Variants in RAB10 observed in about 807,000 individuals in gnomAD.
RAB10 encodes the protein ras-related protein Rab-10.
A neutral mutation model predicts 25.7 loss-of-function variants in RAB10; 5 were observed. That is an observed-to-expected ratio of 0.19 (90% CI 0.10 to 0.41). RAB10 has a LOEUF of 0.41. RAB10 is among the 10% of genes least tolerant of loss of function. The probability of loss-of-function intolerance (pLI) is 1.00; values close to 1 mark genes in which losing one functional copy is unlikely to be tolerated. For missense variants in RAB10, 103 were observed against 245.8 expected, an observed-to-expected ratio of 0.42 and a Z score of 3.89; for synonymous variants, 89 against 86.4, an observed-to-expected ratio of 1.03 and a Z score of -0.16.
rs555434139 is a variant in RAB10 at position 26,104,402 on chromosome 2, C to T, written c.189-5366C>T. On this transcript the variant is annotated intron_variant, in intron 2 of 5. Transcript: ENST00000264710. Reference sequence around the variant, plus strand: ...TCTTTGGATAAATGCCTGTTTAGATCTTTTGCTGATTTTTAAGTTTGGTCA... The same window carrying T: ...TCTTTGGATAAATGCCTGTTTAGATTTTTTGCTGATTTTTAAGTTTGGTCA... 4.3e-4 allele frequency among the ~76,000 whole-genome samples: 65 copies of T among 152,178 alleles called. 2 individuals carry two copies. In the South Asian group the frequency reaches 0.013, roughly 30 times the overall value.
At chr2:26,081,657 A>C (rs1293601600) in intron 1 of RAB10, among the ~76,000 whole-genome samples, 1 of 152,246 alleles carries the variant, frequency 6.6e-6, no homozygotes, top group East Asian at 1.9e-4. Flanking sequence ...TATTAACATC[A>C]GGAGAAGTTG....
At chr2:26,105,971 T>G (rs1667457275) in intron 2 of RAB10, among the ~76,000 whole-genome samples, 1 of 152,242 alleles carries the variant, frequency 6.6e-6, no homozygotes, top group Non-Finnish European at 1.5e-5. Flanking sequence ...ATAAGTACGC[T>G]CTATGATGTG....
intron 1 of RAB10, among the ~76,000 whole-genome samples, chr2:26,084,362 G>T (rs1666933775): frequency 1.3e-5 from 2 of 152,176 alleles, no homozygotes; most frequent in Non-Finnish European, 2.9e-5. Context: ...CAAGTGTGTA[G>T]TAAGTGTGGT....
At chr2:26,112,811 T>C (rs1667601808) in intron 3 of RAB10, among the ~76,000 whole-genome samples, 1 of 152,206 alleles carries the variant, frequency 6.6e-6, no homozygotes, top group Non-Finnish European at 1.5e-5. Flanking sequence ...CCAGGCGCAG[T>C]GGCTCATGCC....
intron 1 of RAB10, among the ~76,000 whole-genome samples, chr2:26,038,718 C>T (rs112373375): frequency 2.6e-5 from 4 of 151,304 alleles, no homozygotes; most frequent in African/African-American, 9.7e-5. Context: ...GTCAGGAGAT[C>T]GAGACCATCC....
At chr2:26,034,052 T>A (rs1031751572), upstream of RAB10, 3 of 400,410 alleles carry the variant, frequency 7.5e-6, no homozygotes, top group Non-Finnish European at 1.3e-5. Context: ...GGCTAGGGCG[T>A]GAGGGAAGGG....
chr2:26,078,227 T>C (rs2149272706), intron 1 of RAB10, among the ~76,000 whole-genome samples: 1 of 152,318 alleles, frequency 6.6e-6, no homozygotes, highest in African/African-American at 2.4e-5. Context: ...CCAGAAGACT[T>C]AATATTGTTA....
Position 26,034,681 on chromosome 2 carries a change from G to A in RAB10, c.73G>A (p.Val25Ile). The A allele has an allele frequency of 6.2e-7, 1 of 1,614,214 alleles. No homozygotes were observed. The highest frequency in any genetic ancestry group is 8.5e-7 in the Non-Finnish European group (1 of 1,180,038). The change falls in exon 1 of 6, where the codon GTC (valine) becomes ATC (isoleucine). Residue 25 changes from valine to isoleucine, a missense_variant. Transcript: ENST00000264710. The stretch of plus-strand genomic sequence containing the variant: ...GGATTCCGGAGTGGGGAAGACCTGC[G>A]TCCTTTTTCGTTTTTCGGATGATGC... ...IGDSGVGKTC[V>I]LFRFSDDAFN...
At chr2:26,122,334 AG>A (rs1306182241) in intron 3 of RAB10, among the ~76,000 whole-genome samples, 1 of 152,190 alleles carries the variant, frequency 6.6e-6, no homozygotes, top group Non-Finnish European at 1.5e-5. Context: ...GCTATAAGAA[AG>A]GCATACTTGT....
intron 1 of RAB10, among the ~76,000 whole-genome samples, chr2:26,072,009 A>G (rs1407265033): frequency 6.6e-6 from 1 of 152,234 alleles, no homozygotes; most frequent in Admixed American, 6.5e-5. Context: ...ATACGCCAAC[A>G]TTTGGAAGAA....
chr2:26,093,209 T>A (rs1366262517), intron 1 of RAB10, among the ~76,000 whole-genome samples: 1 of 152,214 alleles, frequency 6.6e-6, no homozygotes, highest in Non-Finnish European at 1.5e-5. Flanking sequence ...AGCATTTCCC[T>A]ACCCCAGGAC....
At chr2:26,102,692 C>T (rs929059087) in intron 2 of RAB10, among the ~76,000 whole-genome samples, 6 of 152,144 alleles carry the variant, frequency 3.9e-5, no homozygotes, top group African/African-American at 1.2e-4. Flanking sequence ...CCCACCTCGG[C>T]CTCCCAAAGT....
intron 5 of RAB10, among the ~76,000 whole-genome samples, chr2:26,128,659 C>G (rs866798597): frequency 5.3e-5 from 8 of 152,278 alleles, no homozygotes; most frequent in Middle Eastern, 3.4e-3. Flanking sequence ...AATTGCTATT[C>G]TGCCATATTA....
intron 1 of RAB10, among the ~76,000 whole-genome samples, chr2:26,048,931 T>C (rs959709067): frequency 6.6e-6 from 1 of 152,198 alleles, no homozygotes; most frequent in Non-Finnish European, 1.5e-5. Context: ...TTCCAGTCTG[T>C]AGCTTGTCTT....
chr2:26,127,325 C>T, intron 4 of RAB10, 92 bp downstream of exon 4: 2 of 936,238 alleles, frequency 2.1e-6, no homozygotes, highest in Non-Finnish European at 3.3e-6. Flanking sequence ...ATCGAACACA[C>T]TAAGCTAATT....
chr2:26,053,494 C>T (rs530081645), intron 1 of RAB10, among the ~76,000 whole-genome samples: 4 of 152,104 alleles, frequency 2.6e-5, no homozygotes, highest in African/African-American at 4.8e-5. Flanking sequence ...GCAAGTGATT[C>T]GGCAAATTCA....
intron 3 of RAB10, among the ~76,000 whole-genome samples, chr2:26,112,894 G>A (rs898035033): frequency 3.6e-4 from 55 of 151,712 alleles, no homozygotes; most frequent in African/African-American, 1.2e-3. Flanking sequence ...CAGTCTGGTC[G>A]ACATGGTGAA....
intron 1 of RAB10, among the ~76,000 whole-genome samples, chr2:26,047,850 A>G (rs899348143): frequency 8.0e-5 from 12 of 150,516 alleles, no homozygotes; most frequent in Admixed American, 1.3e-4. Context: ...CAGCCTCCCA[A>G]GTAGCTGGGA....
At chr2:26,127,081 T>C in intron 3 of RAB10, 63 bp from the exon 4 acceptor site, 2 of 1,274,378 alleles carry the variant, frequency 1.6e-6, no homozygotes, top group Non-Finnish European at 2.2e-6. Context: ...TAAAGTCACT[T>C]TTAAAGACTG....
Sources: allele counts gnomAD v4.1 joint callset (sites outside exome capture counted in the v4.1 genomes callset), GRCh38; gene constraint gnomAD v4.1.1; transcripts MANE v1.5; gene names NCBI Gene and HGNC (gene_info 2026-07-23, HGNC 2026-07-21).